Variants in CFAP77 observed in about 807,000 individuals in gnomAD.
CFAP77 encodes cilia- and flagella-associated protein 77.
CFAP77 carries 25 observed loss-of-function variants against 31.1 expected under a neutral mutation model. The observed-to-expected ratio is 0.80, with a 90% CI of 0.59 to 1.12. CFAP77 has a LOEUF of 1.12. CFAP77 is among the 50% of genes most tolerant of loss of function. The pLI, the probability that CFAP77 is intolerant of heterozygous loss-of-function variation, is 0.00. For missense variants in CFAP77, 377 were observed against 397.3 expected, an observed-to-expected ratio of 0.95 and a Z score of 0.44; for synonymous variants, 151 against 159.9, an observed-to-expected ratio of 0.94 and a Z score of 0.42.
intron 5 of CFAP77, among the ~76,000 whole-genome samples, chr9:132,559,998 T>C (rs979336951): frequency 1.3e-5 from 2 of 151,956 alleles, no homozygotes; most frequent in African/African-American, 4.8e-5. Context: ...CAACAGGAAA[T>C]AGATTAGTGG....
intron 1 of CFAP77, among the ~76,000 whole-genome samples, chr9:132,487,003 C>T (rs1363476706): frequency 6.6e-6 from 1 of 152,260 alleles, no homozygotes; most frequent in Non-Finnish European, 1.5e-5. Context: ...AGCCCCGGGC[C>T]GTGGGAACCA....
intron 3 of CFAP77, among the ~76,000 whole-genome samples, chr9:132,514,813 C>A (rs1852117479): frequency 6.6e-6 from 1 of 152,176 alleles, no homozygotes; most frequent in South Asian, 2.1e-4. Flanking sequence ...TCTAAGAGTC[C>A]TGCTAGGGAG....
At chr9:132,467,529 T>A (rs575538447) in intron 1 of CFAP77, among the ~76,000 whole-genome samples, 2 of 152,372 alleles carry the variant, frequency 1.3e-5, no homozygotes, top group South Asian at 4.1e-4. Context: ...CAGAATTTCC[T>A]TCCTTTTTAA....
chr9:132,496,121 A>G (rs1278162455), intron 1 of CFAP77, among the ~76,000 whole-genome samples: 1 of 152,226 alleles, frequency 6.6e-6, no homozygotes, highest in African/African-American at 2.4e-5. Flanking sequence ...ATAAAGATTC[A>G]TGGGGTATAC....
At chr9:132,551,425 A>T (rs1852817951) in intron 5 of CFAP77, among the ~76,000 whole-genome samples, 1 of 152,092 alleles carries the variant, frequency 6.6e-6, no homozygotes, top group African/African-American at 2.4e-5. Flanking sequence ...CCTCCTGAGT[A>T]GCTGGGATTA....
In CFAP77 at chr9:132,572,440, TA is replaced by T; in HGVS notation, c.789del (p.Ala264ProfsTer33). On this transcript the variant is annotated frameshift_variant, in exon 6 of 6. Coordinates refer to ENST00000393216, the MANE Select transcript of CFAP77 (RefSeq NM_001282957.2). LOFTEE classifies it high-confidence loss of function. ...ACGGAGGCCGATCGCCAGAGAGCAT[TA>T]AAAGCCCACCGGGAAGAGTGTGCCG... ...FPTEADRQRA[L>X]KAHREECAVR... 1 of 1,612,788 alleles carries T rather than the reference TA, an allele frequency of 6.2e-7. No homozygotes were observed.
intron 1 of CFAP77, among the ~76,000 whole-genome samples, chr9:132,468,651 C>T (rs979804481): frequency 6.6e-6 from 1 of 152,222 alleles, no homozygotes; most frequent in African/African-American, 2.4e-5. Context: ...AATGCTTCGT[C>T]CTGTGATGTC....
intron 3 of CFAP77, among the ~76,000 whole-genome samples, chr9:132,534,800 A>G (rs1030902826): frequency 6.6e-6 from 1 of 152,132 alleles, no homozygotes; most frequent in South Asian, 2.1e-4. Context: ...ATATATATCC[A>G]TATGTCATAT....
intron 1 of CFAP77, among the ~76,000 whole-genome samples, chr9:132,473,919 G>A (rs1851304532): frequency 6.6e-6 from 1 of 152,058 alleles, no homozygotes; most frequent in East Asian, 1.9e-4. Context: ...CTGACTTCAG[G>A]TGATCCACCT....
At chr9:132,510,459 C>T (rs943025393) in intron 3 of CFAP77, among the ~76,000 whole-genome samples, 14 of 152,204 alleles carry the variant, frequency 9.2e-5, no homozygotes, top group Admixed American at 6.5e-4. Context: ...TAGCTCTTTC[C>T]GGGACACGGA....
chr9:132,558,761 C>G (rs542265255), intron 5 of CFAP77, among the ~76,000 whole-genome samples: 1 of 151,300 alleles, frequency 6.6e-6, no homozygotes, highest in South Asian at 2.1e-4. Flanking sequence ...GTCTGTAATC[C>G]CAGCACTTTG....
chr9:132,567,586 C>T (rs1181740655), intron 5 of CFAP77, among the ~76,000 whole-genome samples: 1 of 152,128 alleles, frequency 6.6e-6, no homozygotes, highest in African/African-American at 2.4e-5. Context: ...GCTGATTTGC[C>T]CAGGGAATGG....
At chr9:132,505,294 A>G (rs947785416) in intron 3 of CFAP77, among the ~76,000 whole-genome samples, 1 of 152,228 alleles carries the variant, frequency 6.6e-6, no homozygotes, top group African/African-American at 2.4e-5. Flanking sequence ...CTGCCCATTC[A>G]GCCTCAATAC....
chr9:132,438,012 C>G (rs527861526), intron 1 of CFAP77, among the ~76,000 whole-genome samples: 1 of 151,272 alleles, frequency 6.6e-6, no homozygotes, highest in African/African-American at 2.4e-5. Context: ...CAAGAGCAAC[C>G]TAGCCAACAT....
At chr9:132,506,071 G>A (rs995147160) in intron 3 of CFAP77, among the ~76,000 whole-genome samples, 39 of 152,328 alleles carry the variant, frequency 2.6e-4, no homozygotes, top group African/African-American at 8.9e-4. Flanking sequence ...TCCCCGAGGC[G>A]TTACGGTGCA....
chr9:132,483,936 CT>C (rs1193968732), intron 1 of CFAP77, among the ~76,000 whole-genome samples: 9,007 of 132,898 alleles, frequency 0.068, 869 homozygotes, highest in African/African-American at 0.23. Context: ...GAGGTATTGT[CT>C]TTTTTTTTTT....
chr9:132,532,205 A>G (rs1272085450), intron 3 of CFAP77, among the ~76,000 whole-genome samples: 1 of 152,342 alleles, frequency 6.6e-6, no homozygotes, highest in East Asian at 1.9e-4. Flanking sequence ...ACCTTTGCTC[A>G]GACAGAATCC....
chr9:132,461,765 G>A (rs982475608), intron 1 of CFAP77, among the ~76,000 whole-genome samples: 1 of 152,192 alleles, frequency 6.6e-6, no homozygotes, highest in African/African-American at 2.4e-5. Context: ...CAGTGTGTGC[G>A]GGCAATGCTT....
chr9:132,519,834 GGATGGATGGA>G (rs1852237155), intron 3 of CFAP77, among the ~76,000 whole-genome samples: 2 of 148,494 alleles, frequency 1.3e-5, no homozygotes, highest in African/African-American at 5.0e-5. Context: ...ATGGATGGAT[GGATGGATGGA>G]TGGGTGGGTG....
Sources: allele counts gnomAD v4.1 joint callset (sites outside exome capture counted in the v4.1 genomes callset), GRCh38; gene constraint gnomAD v4.1.1; transcripts MANE v1.5; gene names NCBI Gene and HGNC (gene_info 2026-07-23, HGNC 2026-07-21).